MGA: variants seen among roughly 807,000 people sequenced by gnomAD.
The protein encoded by MGA is MAX dimerization protein MGA.
A neutral mutation model predicts 261.1 loss-of-function variants in MGA; 40 were observed. The observed-to-expected ratio is 0.15, with a 90% CI of 0.12 to 0.20. The LOEUF is 0.20. MGA is among the 10% of genes least tolerant of loss of function. MGA has a pLI of 1.00. For missense variants in MGA, 3,397 were observed against 3,630.5 expected (o/e 0.94, Z 1.65); for synonymous variants, 1,302 against 1,290.6 (o/e 1.01, Z -0.19).
intron 9 of MGA, among the ~76,000 whole-genome samples, chr15:41,725,242 G>A (rs1318045100): frequency 1.3e-5 from 2 of 152,238 alleles, no homozygotes; most frequent in Non-Finnish European, 2.9e-5. Context: ...GGAGGCTGAG[G>A]CCGCAGGATT....
In MGA at chr15:41,729,167, C is replaced by T. The variant is rs984878518; in HGVS notation, c.3661C>T (p.Arg1221Trp). ...TTTTGTTGTATGAAATTTACAGATT[C>T]GGGAAGAGGACAAAGATCCAGTCTA... The change falls in exon 11 of 24, where the codon CGG becomes TGG. Residue 1221 changes from arginine (R) to tryptophan (W), a missense_variant. By Grantham distance (101) the Arg-to-Trp change is moderately radical. Coordinates refer to ENST00000219905, the MANE Select transcript of MGA (RefSeq NM_001164273.2). 16 of 1,612,846 alleles carry T rather than the reference C, an allele frequency of 9.9e-6. No homozygotes were observed. Among genetic ancestry groups the T allele is most frequent in the Admixed American group, 5.0e-5 (3 of 59,828 alleles).
At chr15:41,647,423 G>A (rs1178124284) in intron 1 of MGA, among the ~76,000 whole-genome samples, 1 of 151,994 alleles carries the variant, frequency 6.6e-6, no homozygotes, top group Non-Finnish European at 1.5e-5. Context: ...TGAATATTCT[G>A]TTGTACTACT....
In MGA at chr15:41,767,135, C is replaced by T; in HGVS notation, c.9053C>T (p.Ala3018Val). The stretch of plus-strand genomic sequence containing the variant: ...GTGATGCCTTGTTTGGCACCTATAG[C>T]TGCCAAAGTTGGGTCAGTTGGACAC... Residue 3018 changes from alanine to valine, a missense_variant, in exon 24 of 24, where the codon GCT becomes GTT. Ala to Val is a moderately conservative substitution (Grantham distance 64). This residue lies in a region of MGA where 647 missense variants were observed against 642.4 expected (regional missense o/e 1.01). Transcript: ENST00000219905. 6.2e-7 allele frequency: 1 copy of T among 1,613,954 alleles called. No homozygotes were observed. The highest frequency in any genetic ancestry group is 8.5e-7 in the Non-Finnish European group (1 of 1,179,874).
Position 41,754,028 on chromosome 15 carries a change from C to T in MGA, c.7009-409C>T, listed in dbSNP as rs568973018. On this transcript the variant is annotated intron_variant, in intron 17 of 23. Coordinates refer to ENST00000219905, the MANE Select transcript of MGA (RefSeq NM_001164273.2). ...CGAACTCCTGGCCTCAAGCAATCCT[C>T]CCACCTCAGGTTTCCGAGTAGCTGT... is the stretch of plus-strand genomic sequence containing the variant. Among the ~76,000 whole-genome samples, 73 of 152,234 alleles carry T rather than the reference C, an allele frequency of 4.8e-4. 1 individual carries two copies. In the South Asian group the frequency reaches 0.015, roughly 31 times the overall value.
chr15:41,734,048 T>G (rs2061649486), intron 11 of MGA, among the ~76,000 whole-genome samples: 1 of 151,888 alleles, frequency 6.6e-6, no homozygotes, highest in African/African-American at 2.4e-5. Context: ...ACTGGGACTA[T>G]AGGTGTGTGC....
At chr15:41,726,002 G>A (rs1755267199) in intron 9 of MGA, among the ~76,000 whole-genome samples, 2 of 152,076 alleles carry the variant, frequency 1.3e-5, no homozygotes, top group African/African-American at 2.4e-5. Context: ...GCATATATTG[G>A]TCTATAACAT....
intron 2 of MGA, among the ~76,000 whole-genome samples, chr15:41,673,732 G>A (rs1325485739): frequency 2.7e-5 from 4 of 150,670 alleles, no homozygotes; most frequent in Non-Finnish European, 4.4e-5. Flanking sequence ...TAGTAGAGAC[G>A]GGGTTTCACC....
Position 41,632,689 on chromosome 15 carries a change from G to A in MGA, c.-68+11391G>A, listed in dbSNP as rs533365877. Among the ~76,000 whole-genome samples the A allele has an allele frequency of 4.0e-5, 6 of 151,874 alleles. 1 individual carries two copies. The East Asian group carries it at 1.2e-3, about 29-fold the overall frequency. ...GAGATAGATTTGAGCTGGGCCTCCT[G>A]TTTCCTCACTAGTCTGCCTTGCAAT... On this transcript the variant is annotated intron_variant, in intron 1 of 8. Transcript: ENST00000566718.
rs550782022 is a variant in MGA, at chr15:41,669,801, C to A, written c.907C>A (p.Gln303Lys). 50 of 1,613,962 alleles carry A rather than the reference C, an allele frequency of 3.1e-5. No individual in the cohort carries two copies. The East Asian group carries it at 5.3e-4, about 17-fold the overall frequency. ...TACAGAAGGTCAGGGGTCAGAGATA[C>A]AACCAGGTGATTTGGATCCTTTGTC... Residue 303 changes from glutamine to lysine, a missense_variant, in exon 2 of 24, where the codon CAA becomes AAA. By Grantham distance (53) the Gln-to-Lys change is moderately conservative (BLOSUM62 1). This residue lies in a region of MGA where 563 missense variants were observed against 563.6 expected (regional missense o/e 1.00). Coordinates refer to ENST00000219905, the MANE Select transcript of MGA (RefSeq NM_001164273.2).
At chr15:41,704,486 G>T (rs185413971) in intron 5 of MGA, among the ~76,000 whole-genome samples, 1 of 152,292 alleles carries the variant, frequency 6.6e-6, no homozygotes, top group East Asian at 1.9e-4. Flanking sequence ...GTGAAACCCT[G>T]TCTCTACTAA....
chr15:41,665,818 C>G (rs1056366673), intron 1 of MGA, among the ~76,000 whole-genome samples: 1 of 152,316 alleles, frequency 6.6e-6, no homozygotes, highest in East Asian at 1.9e-4. Flanking sequence ...CTTTGTTTCT[C>G]TAGATTTGCC....
At chr15:41,695,295 T>G (rs1439001399) in intron 2 of MGA, among the ~76,000 whole-genome samples, 2 of 152,174 alleles carry the variant, frequency 1.3e-5, no homozygotes, top group African/African-American at 4.8e-5. Context: ...TTCAAGCGAT[T>G]ATTCTGCCTC....
At chr15:41,653,001 A>G (rs955550996) in intron 1 of MGA, among the ~76,000 whole-genome samples, 47 of 152,196 alleles carry the variant, frequency 3.1e-4, no homozygotes, top group African/African-American at 1.1e-3. Context: ...ATATACATAT[A>G]ATTTGCACCG....
At chr15:41,736,819 A>G in intron 13 of MGA, 121 bp downstream of exon 13, 1 of 1,143,410 alleles carries the variant, frequency 8.7e-7, no homozygotes, top group South Asian at 1.9e-5. Flanking sequence ...GAACTGGGTG[A>G]CAAAATTATT....
intron 21 of MGA, 37 bp downstream of exon 21, chr15:41,761,887 T>G (rs1366641259): frequency 7.2e-7 from 1 of 1,390,096 alleles, no homozygotes; most frequent in Non-Finnish European, 9.9e-7. Context: ...AAGAGCATAA[T>G]TATAGCTTTA....
At chr15:41,719,392 T>G (rs928743335) in intron 9 of MGA, among the ~76,000 whole-genome samples, 2 of 152,124 alleles carry the variant, frequency 1.3e-5, no homozygotes, top group Non-Finnish European at 2.9e-5. Flanking sequence ...ATTGGCAAGT[T>G]TCTAAAATTT....
At chr15:41,738,829 T>G (rs2061936440) in intron 13 of MGA, among the ~76,000 whole-genome samples, 1 of 152,192 alleles carries the variant, frequency 6.6e-6, no homozygotes, top group South Asian at 2.1e-4. Flanking sequence ...AATGATCACA[T>G]TCTTTGTACC....
chr15:41,766,527 T>C lies in MGA; in HGVS notation c.8445T>C (p.Asp2815=). ...GTGAACTGCTGACTAACATGGAAGA[T>C]GAGGATGATACTGATGAGACACTGA... The change falls in exon 24 of 24, where the codon GAT becomes GAC. Residue 2815 remains aspartate, a synonymous_variant. Coordinates refer to ENST00000219905, the MANE Select transcript of MGA (RefSeq NM_001164273.2). 6.2e-7 allele frequency: 1 copy of C among 1,613,904 alleles called. No individual in the cohort carries two copies. The highest frequency in any genetic ancestry group is 8.5e-7 in the Non-Finnish European group (1 of 1,179,854).
At chr15:41,658,429 TA>T, upstream of MGA, among the ~76,000 whole-genome samples, 1 of 152,292 alleles carries the variant, frequency 6.6e-6, no homozygotes, top group Middle Eastern at 3.4e-3. Flanking sequence ...TGTAACCATT[TA>T]AGTGGTTACT....
Sources: allele counts gnomAD v4.1 joint callset (sites outside exome capture counted in the v4.1 genomes callset), GRCh38; gene constraint gnomAD v4.1.1; regional missense constraint gnomAD v4.1.1; transcripts MANE v1.5; gene names NCBI Gene and HGNC (gene_info 2026-07-23, HGNC 2026-07-21).